The following SMG6 variants were observed in gnomAD, a reference collection of about 807,000 sequenced individuals.
SMG6 encodes the protein telomerase-binding protein EST1A.
In SMG6, 66 loss-of-function variants were observed where a neutral mutation model predicts 142.2. The ratio of observed to expected loss-of-function variants is 0.46; its 90% CI spans 0.38 to 0.57. SMG6 has a LOEUF of 0.57. Among genes scored for constraint, SMG6 ranks in the 20% least tolerant of loss-of-function variants. SMG6 has a pLI of 0.00. For missense variants in SMG6, 1,793 were observed against 1,832.0 expected, an observed-to-expected ratio of 0.98 and a Z score of 0.39; for synonymous variants, 779 against 702.4, an observed-to-expected ratio of 1.11 and a Z score of -1.72.
At chr17:2,258,764 C>T (rs1235297505) in intron 8 of SMG6, among the ~76,000 whole-genome samples, 1 of 150,996 alleles carries the variant, frequency 6.6e-6, no homozygotes, top group Non-Finnish European at 1.5e-5. Flanking sequence ...CGCCACTGCA[C>T]TCCCAGCCTC....
intron 13 of SMG6, among the ~76,000 whole-genome samples, chr17:2,096,647 A>T (rs72815303): frequency 6.6e-6 from 1 of 152,244 alleles, no homozygotes; most frequent in South Asian, 2.1e-4. Context: ...ATCCCAGCCT[A>T]TAAGTCCTTC....
At chr17:2,270,130 C>T (rs1420883814) in intron 8 of SMG6, among the ~76,000 whole-genome samples, 6 of 151,962 alleles carry the variant, frequency 3.9e-5, no homozygotes, top group Non-Finnish European at 1.5e-5. Flanking sequence ...ATTATGAAGG[C>T]TATCAGCCAG....
intron 8 of SMG6, among the ~76,000 whole-genome samples, chr17:2,271,479 C>T (rs1452030396): frequency 6.6e-6 from 1 of 151,276 alleles, no homozygotes; most frequent in Non-Finnish European, 1.5e-5. Context: ...TTTGAAAGGC[C>T]AAGGTGGGTG....
In SMG6 at chr17:2,300,015, G is replaced by C; in HGVS notation, c.738C>G (p.Arg246=). 6.2e-7 allele frequency: 1 copy of C among 1,614,198 alleles called. No individual in the cohort carries two copies. The highest frequency in any genetic ancestry group is 8.5e-7 in the Non-Finnish European group (1 of 1,180,046). Residue 246 remains arginine, a synonymous_variant, in exon 2 of 19, where the codon CGC becomes CGG. Coordinates refer to ENST00000263073, the MANE Select transcript of SMG6 (RefSeq NM_017575.5). ...GGTAGCGATTCCTTCGTTTGTCTGAGCGGGAGTAGCGCTTTGCGGAGCCCG... is the reference window on the plus strand; with the variant it reads ...GGTAGCGATTCCTTCGTTTGTCTGACCGGGAGTAGCGCTTTGCGGAGCCCG... ...GRPGSAKRYS[R]SDKRRNRYRT...
intron 13 of SMG6, among the ~76,000 whole-genome samples, chr17:2,160,213 T>A (rs1025533804): frequency 6.6e-6 from 1 of 152,190 alleles, no homozygotes; most frequent in East Asian, 1.9e-4. Flanking sequence ...GTATTAACTA[T>A]AAATTTATTT....
At chr17:2,172,405 T>G (rs1290612068) in intron 13 of SMG6, among the ~76,000 whole-genome samples, 1 of 151,764 alleles carries the variant, frequency 6.6e-6, no homozygotes, top group African/African-American at 2.4e-5. Context: ...CTGCACTATT[T>G]AAACAAGTGA....
At chr17:2,171,227 T>C (rs2071491225) in intron 13 of SMG6, among the ~76,000 whole-genome samples, 2 of 151,974 alleles carry the variant, frequency 1.3e-5, no homozygotes, top group South Asian at 2.1e-4. Context: ...TGAGCTGAGA[T>C]TGTGCCACCA....
chr17:2,078,412 C>T (rs990458905), intron 15 of SMG6, among the ~76,000 whole-genome samples: 1 of 151,084 alleles, frequency 6.6e-6, no homozygotes, highest in African/African-American at 2.4e-5. Flanking sequence ...AGAGTCTCGC[C>T]CAGGGCTAAA....
Position 2,075,140 on chromosome 17 carries a change from C to T in SMG6, c.3682-6209G>A, listed in dbSNP as rs554489330. Among the ~76,000 whole-genome samples the T allele has an allele frequency of 1.5e-3, 222 of 152,332 alleles. No individual in the cohort carries two copies. The Middle Eastern group carries it at 0.017, about 12-fold the overall frequency. Reference sequence around the variant, plus strand: ...TGTCTCCGACAGCCAGGAGCCAGGCCTGAGTGTCTGCCTTCCGCCAGCTTC... The same window carrying T: ...TGTCTCCGACAGCCAGGAGCCAGGCTTGAGTGTCTGCCTTCCGCCAGCTTC... On this transcript the variant is annotated intron_variant, in intron 15 of 18. Transcript: ENST00000263073.
intron 12 of SMG6, among the ~76,000 whole-genome samples, chr17:2,179,476 C>T (rs2071742958): frequency 1.3e-5 from 2 of 152,154 alleles, no homozygotes; most frequent in Admixed American, 1.3e-4. Context: ...CCTCTTTCTC[C>T]CTATGTGACA....
chr17:2,161,106 T>C (rs997201652), intron 13 of SMG6, among the ~76,000 whole-genome samples: 2 of 54,214 alleles, frequency 3.7e-5, no homozygotes, highest in Non-Finnish European at 3.3e-5. Context: ...TAACTGACCC[T>C]TTTTTTTTTT....
intron 6 of SMG6, among the ~76,000 whole-genome samples, chr17:2,291,558 C>T (rs12941621): frequency 0.57 from 85,137 of 150,400 alleles, 25,246 homozygotes; most frequent in East Asian, 0.75. Flanking sequence ...TCAACCAATT[C>T]TGAAAGAAGT....
intron 13 of SMG6, among the ~76,000 whole-genome samples, chr17:2,092,940 A>C (rs939509961): frequency 6.6e-6 from 1 of 152,200 alleles, no homozygotes; most frequent in Middle Eastern, 3.2e-3. Flanking sequence ...TCATGCCTGT[A>C]ATCGCAGCAC....
intron 8 of SMG6, among the ~76,000 whole-genome samples, chr17:2,253,241 A>T (rs1447526554): frequency 6.6e-6 from 1 of 151,922 alleles, no homozygotes; most frequent in Non-Finnish European, 1.5e-5. Flanking sequence ...TCCCGGGTTC[A>T]CGCCATTCTC....
chr17:2,099,861 C>A (rs1179710115), intron 13 of SMG6, among the ~76,000 whole-genome samples: 1 of 152,040 alleles, frequency 6.6e-6, no homozygotes, highest in Non-Finnish European at 1.5e-5. Context: ...TGCAGATTCC[C>A]GAACTCCACT....
intron 13 of SMG6, among the ~76,000 whole-genome samples, chr17:2,158,316 T>C (rs2071069108): frequency 6.6e-6 from 1 of 152,170 alleles, no homozygotes; most frequent in South Asian, 2.1e-4. Context: ...ATCATTATTC[T>C]CTTCACTTTA....
At chr17:2,140,287 T>C (rs1419845325) in intron 13 of SMG6, among the ~76,000 whole-genome samples, 1 of 149,866 alleles carries the variant, frequency 6.7e-6, no homozygotes, top group African/African-American at 2.5e-5. Context: ...GGTCTCCTGA[T>C]ATCAAGTGAT....
Position 2,215,315 on chromosome 17 carries a change from C to T in SMG6, c.2869+21177G>A, listed in dbSNP as rs1238841854. 2.0e-5 allele frequency among the ~76,000 whole-genome samples: 3 copies of T among 152,114 alleles called. No individual in the cohort carries two copies. In the East Asian group the frequency reaches 5.8e-4, roughly 29 times the overall value. ...ACAATGCTGCACTAAAAATACAGTC[C>T]CGGCTGATACATCATGGCAGAACTA... On this transcript the variant is annotated intron_variant, in intron 10 of 18. Transcript: ENST00000263073.
At chr17:2,238,088 C>A (rs2073711715) in intron 9 of SMG6, among the ~76,000 whole-genome samples, 1 of 152,198 alleles carries the variant, frequency 6.6e-6, no homozygotes, top group African/African-American at 2.4e-5. Context: ...CGGCCCTTCC[C>A]GACTGGGAAG....
Sources: allele counts gnomAD v4.1 joint callset (sites outside exome capture counted in the v4.1 genomes callset), GRCh38; gene constraint gnomAD v4.1.1; transcripts MANE v1.5; gene names NCBI Gene and HGNC (gene_info 2026-07-23, HGNC 2026-07-21).